SND1: variants seen among roughly 807,000 people sequenced by gnomAD.
The protein encoded by SND1 is staphylococcal nuclease and tudor domain containing 1, also known as staphylococcal nuclease domain-containing protein 1.
A neutral mutation model predicts 121.7 loss-of-function variants in SND1; 38 were observed. The ratio of observed to expected loss-of-function variants is 0.31; its 90% confidence interval spans 0.24 to 0.41. The LOEUF (loss-of-function observed/expected upper bound fraction) is 0.41. SND1 is among the 10% of genes least tolerant of loss of function. The pLI is 1.00. For missense variants in SND1, 868 were observed against 1,184.6 expected (o/e 0.73, Z 3.92); for synonymous variants, 401 against 447.4 (o/e 0.90, Z 1.31).
At chr7:128,019,646 T>G (rs1208471204) in intron 16 of SND1, among the ~76,000 whole-genome samples, 1 of 152,248 alleles carries the variant, frequency 6.6e-6, no homozygotes, top group Non-Finnish European at 1.5e-5. Flanking sequence ...TTCTGCTAAA[T>G]TAACTTGGTT....
chr7:127,825,996 C>T (rs761563239), intron 11 of SND1, among the ~76,000 whole-genome samples: 16 of 151,936 alleles, frequency 1.1e-4, no homozygotes, highest in Non-Finnish European at 1.9e-4. Flanking sequence ...TTTGAGACCA[C>T]CTGGCCAACA....
At chr7:128,065,627 C>T (rs989825438) in intron 16 of SND1, among the ~76,000 whole-genome samples, 4 of 152,270 alleles carry the variant, frequency 2.6e-5, no homozygotes, top group Non-Finnish European at 5.9e-5. Flanking sequence ...TCTTCTCACA[C>T]CCCTAGCTCC....
At chr7:127,707,479 C>A in intron 8 of SND1, 78 bp from the exon 9 acceptor site, 1 of 1,122,434 alleles carries the variant, frequency 8.9e-7, no homozygotes, top group Non-Finnish European at 1.4e-6. Context: ...TAGGATGCTG[C>A]ACCAACTGTG....
intron 17 of SND1, among the ~76,000 whole-genome samples, chr7:128,075,098 C>T (rs1179296680): frequency 6.6e-6 from 1 of 152,260 alleles, no homozygotes; most frequent in Non-Finnish European, 1.5e-5. Flanking sequence ...ATTTCCTTCA[C>T]ATTGCCCCGT....
At position 128,092,491 on chromosome 7, in the gene SND1, T is replaced by C. The variant is rs766122504; in HGVS notation, c.*433T>C. On this transcript the variant is annotated 3_prime_UTR_variant, in exon 24 of 24. Transcript: ENST00000354725. The surrounding 1 kb of genome is among the most constrained non-coding windows in gnomAD (Gnocchi z 4.9). ...ACTGTTGATTATGTGATTTTTCTGA[T>C]ACGTCCATTCTCAAATGCCAGTGTG... 5.3e-6 allele frequency: 1 copy of C among 187,716 alleles called. No individual in the cohort carries two copies. The highest frequency in any genetic ancestry group is 1.1e-5 in the Non-Finnish European group (1 of 89,022). 11.6% of individuals were successfully genotyped at this position (187,716 alleles called of 1,614,324 possible). A position where few individuals can be genotyped will look rare whatever the true frequency, so the allele number is the denominator to read the frequency against.
At chr7:127,820,247 C>T (rs1798522460) in intron 11 of SND1, among the ~76,000 whole-genome samples, 1 of 152,222 alleles carries the variant, frequency 6.6e-6, no homozygotes, top group Admixed American at 6.5e-5. Context: ...TGGTTTCCTT[C>T]TGTCATTTGT....
At chr7:127,969,261 T>G (rs1801923984) in intron 15 of SND1, among the ~76,000 whole-genome samples, 1 of 152,150 alleles carries the variant, frequency 6.6e-6, no homozygotes, top group Non-Finnish European at 1.5e-5. Flanking sequence ...TATACCGAGC[T>G]GCTTCCACCA....
chr7:127,757,575 G>A (rs1266637858), intron 10 of SND1, among the ~76,000 whole-genome samples: 1 of 152,130 alleles, frequency 6.6e-6, no homozygotes, highest in Non-Finnish European at 1.5e-5. Context: ...GTTAGTTTTA[G>A]CTATTCAGAT....
chr7:128,043,439 T>C (rs1792890090), intron 16 of SND1, among the ~76,000 whole-genome samples: 1 of 151,910 alleles, frequency 6.6e-6, no homozygotes, highest in South Asian at 2.1e-4. Context: ...CCAGGTGTAG[T>C]GGCATGCACC....
chr7:128,032,589 G>A (rs540722071), intron 16 of SND1, among the ~76,000 whole-genome samples: 1 of 151,936 alleles, frequency 6.6e-6, no homozygotes, highest in African/African-American at 2.4e-5. Flanking sequence ...GGGCTCAGGG[G>A]CCCGGCGGCC....
rs1038786006 is a variant in SND1 at position 128,021,312 on chromosome 7, G to A, written c.1779+30256G>A. ...ATCTGAGGCCTCAGCTCCATTTCTGGGCCTATTGTGAGGGATGCACTCAGC... is the reference window on the plus strand; with the variant it reads ...ATCTGAGGCCTCAGCTCCATTTCTGAGCCTATTGTGAGGGATGCACTCAGC... On this transcript the variant is annotated intron_variant, in intron 16 of 23. Transcript: ENST00000354725. Among the ~76,000 whole-genome samples, 5 of 152,196 alleles carry A rather than the reference G, an allele frequency of 3.3e-5. No individual in the cohort carries two copies. The East Asian group carries it at 9.6e-4, about 29-fold the overall frequency.
intron 10 of SND1, among the ~76,000 whole-genome samples, chr7:127,756,467 TATG>T (rs1272928226): frequency 3.9e-5 from 6 of 152,222 alleles, no homozygotes; most frequent in Non-Finnish European, 8.8e-5. Flanking sequence ...TAGAAAATAA[TATG>T]GTGGGGGTAT....
intron 12 of SND1, among the ~76,000 whole-genome samples, chr7:127,886,139 C>G (rs950105927): frequency 6.6e-6 from 1 of 152,056 alleles, no homozygotes; most frequent in Non-Finnish European, 1.5e-5. Context: ...GCAAAGCAGC[C>G]TCTTTGTGGG....
intron 1 of SND1, among the ~76,000 whole-genome samples, chr7:127,674,909 CA>C (rs11334816): frequency 0.33 from 50,018 of 152,090 alleles, 9,090 homozygotes; most frequent in Admixed American, 0.42. Context: ...TTAAAACAAA[CA>C]CTTTATTTTG....
intron 10 of SND1, among the ~76,000 whole-genome samples, chr7:127,760,030 T>C (rs959063010): frequency 6.6e-6 from 1 of 152,192 alleles, no homozygotes; most frequent in Non-Finnish European, 1.5e-5. Context: ...CTCTCCCACG[T>C]GTCTCTCTTA....
At chr7:127,847,085 T>C (rs1219814321) in intron 12 of SND1, among the ~76,000 whole-genome samples, 1 of 152,094 alleles carries the variant, frequency 6.6e-6, no homozygotes, top group East Asian at 1.9e-4. Flanking sequence ...CTAACCAACA[T>C]GGTGAAACCT....
In SND1 at chr7:127,778,939, G is replaced by C. The variant is rs934281694; in HGVS notation, c.1153-28545G>C. 9.9e-5 allele frequency among the ~76,000 whole-genome samples: 15 copies of C among 152,262 alleles called. No homozygotes were observed. The South Asian group carries it at 1.0e-3, about 11-fold the overall frequency. The stretch of plus-strand genomic sequence containing the variant: ...CTGATGGATCCCCTTAGGTCTAAAA[G>C]ACTTAGACTAGTAATCTTGGCATTC... On this transcript the variant is annotated intron_variant, in intron 10 of 23. Coordinates refer to ENST00000354725, the MANE Select transcript of SND1 (RefSeq NM_014390.4).
rs556815484 is a variant in SND1 at position 127,785,140 on chromosome 7, C to T, written c.1153-22344C>T. Reference sequence around the variant, plus strand: ...CTCAGGCTGGTTGAGAAGTTCTGGCCTCAAGTAATCCTTCCACCTTGGCCT... The same window carrying T: ...CTCAGGCTGGTTGAGAAGTTCTGGCTTCAAGTAATCCTTCCACCTTGGCCT... On this transcript the variant is annotated intron_variant, in intron 10 of 23. Transcript: ENST00000354725. Among the ~76,000 whole-genome samples the T allele has an allele frequency of 1.2e-4, 19 of 152,270 alleles. No homozygotes were observed. In the South Asian group the frequency reaches 3.5e-3, roughly 28 times the overall value.
intron 14 of SND1, among the ~76,000 whole-genome samples, chr7:127,908,318 ATGTGTGTGTGTGTGTG>A (rs10579969): frequency 4.2e-4 from 58 of 138,560 alleles, no homozygotes; most frequent in African/African-American, 1.3e-3. Flanking sequence ...ATAATAATAA[ATGTGTGTGTGTGTGTG>A]TGTGTGTGTG....
Sources: allele counts gnomAD v4.1 joint callset (sites outside exome capture counted in the v4.1 genomes callset), GRCh38; gene constraint gnomAD v4.1.1; non-coding constraint Gnocchi (gnomAD v3.1); transcripts MANE v1.5; gene names NCBI Gene and HGNC (gene_info 2026-07-23, HGNC 2026-07-21).